The following PPARGC1A variants were observed in gnomAD, a reference collection of about 807,000 sequenced individuals.
PPARGC1A encodes the protein peroxisome proliferator-activated receptor gamma coactivator 1-alpha.
In PPARGC1A, 25 loss-of-function variants were observed where a neutral mutation model predicts 88.7. That is an observed-to-expected ratio of 0.28 (90% CI 0.21 to 0.39). The LOEUF (loss-of-function observed/expected upper bound fraction) is 0.39. Among genes scored for constraint, PPARGC1A ranks in the 10% least tolerant of loss-of-function variants. The pLI is 1.00. For missense variants in PPARGC1A, 880 were observed against 968.7 expected, an observed-to-expected ratio of 0.91 and a Z score of 1.22; for synonymous variants, 363 against 355.6, an observed-to-expected ratio of 1.02 and a Z score of -0.24.
the PPARGC1A span, among the ~76,000 whole-genome samples, chr4:24,158,566 T>C: frequency 6.6e-6 from 1 of 152,344 alleles, no homozygotes; most frequent in South Asian, 2.1e-4. Flanking sequence ...GTAATTAGTC[T>C]GAAAGAAAGG....
At chr4:23,930,572 T>C in the PPARGC1A span, among the ~76,000 whole-genome samples, 1 of 152,316 alleles carries the variant, frequency 6.6e-6, no homozygotes, top group African/African-American at 2.4e-5. Context: ...TATCATTGAT[T>C]TCTTTCTTTT....
In PPARGC1A at chr4:23,814,593, G is replaced by T; in HGVS notation, c.890C>A (p.Pro297His). Residue 297 changes from proline (P) to histidine (H), a missense_variant, in exon 8 of 13, where the codon CCC (proline) becomes CAC (histidine). Transcript: ENST00000264867. ...ELSGTAGLTP[P>H]TTPPHKANQD... The stretch of plus-strand genomic sequence containing the variant: ...GTTGGCTTTATGAGGAGGAGTGGTG[G>T]GTGGAGTTAGGCCTAAGGCAAAAAT... The T allele has an allele frequency of 6.3e-7, 1 of 1,577,408 alleles. No homozygotes were observed. Among genetic ancestry groups the T allele is most frequent in the Middle Eastern group, 1.9e-4 (1 of 5,228 alleles).
At chr4:24,446,660 GAT>G in the PPARGC1A span, among the ~76,000 whole-genome samples, 1 of 149,000 alleles carries the variant, frequency 6.7e-6, no homozygotes, top group Middle Eastern at 3.2e-3. Context: ...GCAGTGGTGC[GAT>G]CTTGGCTGAC....
chr4:24,120,730 G>C, the PPARGC1A span, among the ~76,000 whole-genome samples: 2 of 152,094 alleles, frequency 1.3e-5, no homozygotes, highest in Admixed American at 1.3e-4. Context: ...CCTCATAAAA[G>C]AGGCCATGGA....
chr4:24,051,759 A>G, the PPARGC1A span, among the ~76,000 whole-genome samples: 1 of 152,184 alleles, frequency 6.6e-6, no homozygotes, highest in African/African-American at 2.4e-5. Context: ...AGTGTGGCTT[A>G]AATAACAAGT....
upstream of PPARGC1A, among the ~76,000 whole-genome samples, chr4:23,893,012 T>C (rs1429029526): frequency 2.6e-5 from 4 of 152,052 alleles, no homozygotes; most frequent in African/African-American, 9.7e-5. Context: ...TTCTCAACAA[T>C]AGAAAGAGGT....
the PPARGC1A span, among the ~76,000 whole-genome samples, chr4:24,373,735 G>A: frequency 1.3e-5 from 2 of 152,152 alleles, no homozygotes; most frequent in African/African-American, 2.4e-5. Context: ...AAATTGATAG[G>A]TTGCCCATTC....
chr4:24,471,624 C>A, the PPARGC1A span, among the ~76,000 whole-genome samples: 2 of 152,216 alleles, frequency 1.3e-5, no homozygotes, highest in East Asian at 1.9e-4. This position sits in a 1 kb window ranked among gnomAD's most constrained non-coding sequence, Gnocchi z 5.4. Context: ...TTCCACGCCC[C>A]CCTTCCGGCG....
the PPARGC1A span, among the ~76,000 whole-genome samples, chr4:24,261,565 T>G: frequency 6.6e-6 from 1 of 152,252 alleles, no homozygotes; most frequent in African/African-American, 2.4e-5. Context: ...CAATTATGAT[T>G]TGCTTTATTC....
chr4:24,122,627 AG>A, the PPARGC1A span, among the ~76,000 whole-genome samples: 1 of 152,122 alleles, frequency 6.6e-6, no homozygotes, highest in African/African-American at 2.4e-5. Context: ...CTGCTCTCTG[AG>A]CAACTCAGAA....
At chr4:24,153,086 C>T in the PPARGC1A span, among the ~76,000 whole-genome samples, 2 of 152,154 alleles carry the variant, frequency 1.3e-5, no homozygotes, top group Non-Finnish European at 2.9e-5. Flanking sequence ...CAGACAGGCA[C>T]TTTGAATACA....
At chr4:24,423,010 A>G in the PPARGC1A span, among the ~76,000 whole-genome samples, 127 of 152,344 alleles carry the variant, frequency 8.3e-4, no homozygotes, top group South Asian at 1.9e-3. Context: ...GCTGTTACAG[A>G]TATTGAACAG....
intron 12 of PPARGC1A, among the ~76,000 whole-genome samples, chr4:23,797,473 G>C (rs892384277): frequency 6.6e-6 from 1 of 152,132 alleles, no homozygotes; most frequent in Non-Finnish European, 1.5e-5. Context: ...ATAAAAGTCA[G>C]CCTGGAACCA....
the PPARGC1A span, among the ~76,000 whole-genome samples, chr4:24,057,304 A>T: frequency 6.6e-6 from 1 of 152,208 alleles, no homozygotes; most frequent in African/African-American, 2.4e-5. Context: ...GGTGGTAGGG[A>T]GAAATGATGG....
At chr4:23,816,334 C>T (rs552672643) in intron 7 of PPARGC1A, among the ~76,000 whole-genome samples, 1 of 152,182 alleles carries the variant, frequency 6.6e-6, no homozygotes, top group South Asian at 2.1e-4. Context: ...CTGAATGAAA[C>T]ATCTGTGCCA....
chr4:24,189,471 C>T, the PPARGC1A span, among the ~76,000 whole-genome samples: 1 of 152,062 alleles, frequency 6.6e-6, no homozygotes, highest in South Asian at 2.1e-4. Flanking sequence ...AGTGCTGTAG[C>T]TCGCCTTCTG....
intron 10 of PPARGC1A, among the ~76,000 whole-genome samples, chr4:23,802,803 T>C (rs1208514326): frequency 6.7e-6 from 1 of 149,856 alleles, no homozygotes; most frequent in African/African-American, 2.4e-5. Context: ...AAGGAAAGAC[T>C]ACATTTGAAC....
At chr4:24,033,680 T>C in the PPARGC1A span, among the ~76,000 whole-genome samples, 5 of 152,190 alleles carry the variant, frequency 3.3e-5, no homozygotes, top group Admixed American at 6.5e-5. Context: ...AAAAACACAA[T>C]TCCAAAATGC....
chr4:24,032,827 G>A, the PPARGC1A span, among the ~76,000 whole-genome samples: 3 of 152,292 alleles, frequency 2.0e-5, no homozygotes, highest in East Asian at 5.8e-4. Context: ...TCTGAGCCCA[G>A]CACAGACCAC....
Sources: gnomAD v4.1 joint callset for allele counts (sites outside exome capture counted in the v4.1 genomes callset) on GRCh38, gnomAD v4.1.1 for gene constraint, Gnocchi (gnomAD v3.1) non-coding constraint, MANE v1.5 for transcripts, NCBI Gene and HGNC (gene_info 2026-07-23, HGNC 2026-07-21) for gene names.